Variants in PCDHA10 observed in about 807,000 individuals in gnomAD.
PCDHA10 encodes protocadherin alpha 10, also known as protocadherin alpha-10.
In PCDHA10, 45 loss-of-function variants were observed where a neutral mutation model predicts 61.2. The ratio of observed to expected loss-of-function variants is 0.74; its 90% CI spans 0.58 to 0.94. PCDHA10 has a LOEUF of 0.94. Among genes scored for constraint, PCDHA10 ranks in the 40% least tolerant of loss-of-function variants. The pLI is 0.00. For synonymous variants in PCDHA10, 602 were observed against 548.8 expected (o/e 1.10, Z -1.35); for missense variants, 1,278 against 1,236.2 (o/e 1.03, Z -0.51).
At chr5:140,892,405 T>C (rs1224393895) in intron 1 of PCDHA10, among the ~76,000 whole-genome samples, 2 of 152,206 alleles carry the variant, frequency 1.3e-5, no homozygotes, top group African/African-American at 2.4e-5. Context: ...ATTTCAAGCT[T>C]CAGGTATTCT....
chr5:140,863,239 T>C (rs1554158001), intron 1 of PCDHA10: 26 of 1,323,164 alleles, frequency 2.0e-5, no homozygotes, highest in African/African-American at 2.9e-5. Context: ...ATCGCGGGCT[T>C]TGGCGGGCGT....
chr5:140,879,943 G>C (rs1554171086), intron 1 of PCDHA10, among the ~76,000 whole-genome samples: 1 of 152,078 alleles, frequency 6.6e-6, no homozygotes, highest in Non-Finnish European at 1.5e-5. Flanking sequence ...ATTGTATTTA[G>C]GGCCCATCTG....
chr5:140,941,202 C>CTTTCTTTCTTT (rs1554213921), intron 1 of PCDHA10, among the ~76,000 whole-genome samples: 2,980 of 122,772 alleles, frequency 0.024, 108 homozygotes, highest in East Asian at 0.062. Context: ...TTTCTTTCTT[C>CTTTCTTTCTTT]CTTTCTTTCT....
Position 140,868,882 on chromosome 5 carries a change from T to A in PCDHA10, c.2388+10446T>A. On this transcript the variant is annotated intron_variant, in intron 1 of 3. Transcript: ENST00000307360. Reference sequence around the variant, plus strand: ...TAAATGCAGTGCACAGTACTCACAGTTTTAGGCGCAAGGTGTCGCTCTTTA... The same window carrying A: ...TAAATGCAGTGCACAGTACTCACAGATTTAGGCGCAAGGTGTCGCTCTTTA... 4 of 715,192 alleles carry A rather than the reference T, an allele frequency of 5.6e-6. No homozygotes were observed. In the South Asian group the frequency reaches 8.5e-5, roughly 15 times the overall value. 44.3% of individuals were successfully genotyped at this position (715,192 alleles called of 1,614,324 possible).
chr5:141,000,395 C>CTCTATAAATA (rs1213762225), intron 3 of PCDHA10, among the ~76,000 whole-genome samples: 2 of 53,986 alleles, frequency 3.7e-5, no homozygotes, highest in African/African-American at 1.5e-4. Flanking sequence ...CTCTCTCTCT[C>CTCTATAAATA]TATATATATA....
chr5:140,979,006 A>G lies in PCDHA10; in HGVS notation c.2446A>G (p.Ser816Gly), dbSNP rs149397164. ...TGCCTCCCTGAGAGCAGGCATGCAC[A>G]GGTATGTATTTCCCTCCTCATTCAC... ...YSASLRAGMH[S>G]SVHLEEAGIL... Residue 816 changes from serine (S) to glycine (G), a missense_variant and splice_region_variant, in exon 2 of 4, where the codon AGC becomes GGC. Ser to Gly is a moderately conservative substitution (Grantham distance 56). Coordinates refer to ENST00000307360, the MANE Select transcript of PCDHA10 (RefSeq NM_018901.4). The G allele has an allele frequency of 4.3e-6, 7 of 1,614,000 alleles. No individual in the cohort carries two copies. The highest frequency in any genetic ancestry group is 5.1e-6 in the Non-Finnish European group (6 of 1,179,938).
At chr5:140,988,092 C>T (rs1266366711) in intron 3 of PCDHA10, among the ~76,000 whole-genome samples, 6 of 152,174 alleles carry the variant, frequency 3.9e-5, no homozygotes, top group East Asian at 1.9e-4. Flanking sequence ...AGTGCAGCCT[C>T]GGGCCTTGTT....
At chr5:140,928,115 T>A (rs2084949063) in intron 1 of PCDHA10, 1 of 1,614,164 alleles carries the variant, frequency 6.2e-7, no homozygotes, top group East Asian at 2.2e-5. Flanking sequence ...CGGGAGCAGA[T>A]CAGTGAATAC....
At chr5:140,873,310 G>A (rs2054217209) in intron 1 of PCDHA10, among the ~76,000 whole-genome samples, 1 of 152,176 alleles carries the variant, frequency 6.6e-6, no homozygotes, top group Admixed American at 6.6e-5. Context: ...TAATAAAGGT[G>A]AATATTAGAT....
chr5:140,871,118 G>A, intron 1 of PCDHA10: 3 of 1,613,306 alleles, frequency 1.9e-6, no homozygotes, highest in Non-Finnish European at 2.5e-6. Flanking sequence ...GTGGAGAGCG[G>A]ACAGGCGCCA....
intron 3 of PCDHA10, chr5:140,988,873 G>A (rs1471282852): frequency 6.6e-6 from 1 of 152,170 alleles, no homozygotes; most frequent in Non-Finnish European, 1.5e-5. Context: ...GCACTCAGAT[G>A]TACGATCCTG....
rs543390372 is a variant in PCDHA10 at position 140,900,669 on chromosome 5, A to G, written c.2388+42233A>G. 4.8e-4 allele frequency among the ~76,000 whole-genome samples: 73 copies of G among 152,334 alleles called. 1 individual carries two copies. The highest frequency in any genetic ancestry group is 1.5e-3 in the South Asian group (7 of 4,824). On this transcript the variant is annotated intron_variant, in intron 1 of 3. Transcript: ENST00000307360. ...CTGCTGCAATGAACAATGGGAGTGC[A>G]GTTATCTCTTCAATATACTGATTTC...
rs1006692100 is a variant in PCDHA10 at position 140,968,013 on chromosome 5, G to A, written c.2389-10936G>A. Reference sequence around the variant, plus strand: ...CTGCCTTTCCGACTGAATGGCTTTGGAAACTCCTATACACTGGTGGTGAGC... The same window carrying A: ...CTGCCTTTCCGACTGAATGGCTTTGAAAACTCCTATACACTGGTGGTGAGC... On this transcript the variant is annotated intron_variant, in intron 1 of 3. Coordinates refer to ENST00000307360, the MANE Select transcript of PCDHA10 (RefSeq NM_018901.4). 2.5e-6 allele frequency: 4 copies of A among 1,614,066 alleles called. No individual in the cohort carries two copies. The African/African-American group carries it at 4.0e-5, about 16-fold the overall frequency.
chr5:140,918,991 G>A (rs1453656237), intron 1 of PCDHA10, among the ~76,000 whole-genome samples: 2 of 152,184 alleles, frequency 1.3e-5, no homozygotes, highest in African/African-American at 4.8e-5. Flanking sequence ...GGTTTTTAGT[G>A]TTGTTCACAT....
intron 1 of PCDHA10, chr5:140,927,766 G>A: frequency 1.2e-6 from 2 of 1,614,234 alleles, no homozygotes; most frequent in Non-Finnish European, 1.7e-6. Context: ...TAAAAGTGGG[G>A]AGGTGCAAGT....
chr5:141,010,802 G>A lies in PCDHA10; in HGVS notation c.*865G>A, dbSNP rs1323558356. On this transcript the variant is annotated 3_prime_UTR_variant, in exon 4 of 4. Coordinates refer to ENST00000307360, the MANE Select transcript of PCDHA10 (RefSeq NM_018901.4). ...TTATGCAAAAGCAAAAGAAAACCCC[G>A]ACACCTCACCTTTCGCTGTTTGTTG... 6.5e-6 allele frequency: 1 copy of A among 153,554 alleles called. No homozygotes were observed. The highest frequency in any genetic ancestry group is 1.5e-5 in the Non-Finnish European group (1 of 68,024). The allele number at this position is 153,554 out of a possible 1,614,324, so 9.5% of individuals were successfully genotyped here. A position where few individuals can be genotyped will look rare whatever the true frequency, so the allele number is the denominator to read the frequency against.
chr5:140,870,579 G>T (rs1388213173), intron 1 of PCDHA10: 4 of 1,613,744 alleles, frequency 2.5e-6, no homozygotes, highest in Admixed American at 1.7e-5. Context: ...TGTCCTACTC[G>T]CTGGTGGAGC....
chr5:140,973,803 G>C (rs1232498397), intron 1 of PCDHA10, among the ~76,000 whole-genome samples: 2 of 152,214 alleles, frequency 1.3e-5, no homozygotes, highest in African/African-American at 2.4e-5. Flanking sequence ...CTGTCTACTT[G>C]ACAGAATAGC....
rs140356413 is a variant in PCDHA10, at chr5:140,945,687, T to C, written c.2389-33262T>C. On this transcript the variant is annotated intron_variant, in intron 1 of 3. Transcript: ENST00000307360. ...CCCAGAAATAAATCCACACAGTTAC[T>C]GTCCACTGATTTGCAACAAAAGTAT... 6.6e-3 allele frequency among the ~76,000 whole-genome samples: 1,005 copies of C among 152,204 alleles called. 10 individuals carry two copies. The highest frequency in any genetic ancestry group is 0.023 in the African/African-American group (952 of 41,538).
Sources: gnomAD v4.1 joint callset for allele counts (sites outside exome capture counted in the v4.1 genomes callset) on GRCh38, gnomAD v4.1.1 for gene constraint, MANE v1.5 for transcripts, NCBI Gene and HGNC (gene_info 2026-07-23, HGNC 2026-07-21) for gene names.